The following CPNE4 variants were observed in gnomAD, a reference collection of about 807,000 sequenced individuals.
CPNE4 encodes copine 4.
A neutral mutation model predicts 67.9 loss-of-function variants in CPNE4; 25 were observed. The observed-to-expected ratio is 0.37, with a 90% CI of 0.27 to 0.51. The LOEUF is 0.51. Among genes scored for constraint, CPNE4 ranks in the 20% least tolerant of loss-of-function variants. CPNE4 has a pLI of 0.93. For synonymous variants in CPNE4, 242 were observed against 244.9 expected (o/e 0.99, Z 0.11); for missense variants, 464 against 690.8 (o/e 0.67, Z 3.68).
intron 2 of CPNE4, among the ~76,000 whole-genome samples, chr3:131,869,991 AG>A (rs1053616730): frequency 3.9e-5 from 6 of 152,192 alleles, no homozygotes; most frequent in African/African-American, 1.4e-4. Context: ...GAACATATTT[AG>A]GGTTCCTTAA....
At chr3:131,907,716 G>A (rs2088827684) in intron 1 of CPNE4, among the ~76,000 whole-genome samples, 1 of 152,116 alleles carries the variant, frequency 6.6e-6, no homozygotes, top group African/African-American at 2.4e-5. Flanking sequence ...CTGAGTAGTT[G>A]CAATAGAGAT....
chr3:131,558,952 C>G (rs935591051), intron 11 of CPNE4, among the ~76,000 whole-genome samples: 4 of 151,860 alleles, frequency 2.6e-5, no homozygotes, highest in African/African-American at 7.3e-5. Context: ...ATGGAGAGAC[C>G]TGTTCTCCAT....
chr3:131,752,595 G>C (rs1190602436), intron 2 of CPNE4, among the ~76,000 whole-genome samples: 2 of 152,094 alleles, frequency 1.3e-5, no homozygotes, highest in Non-Finnish European at 2.9e-5. Flanking sequence ...TCTTATGTTT[G>C]TTTTACATTT....
intron 7 of CPNE4, among the ~76,000 whole-genome samples, chr3:131,591,648 T>C (rs980687162): frequency 2.6e-5 from 4 of 152,184 alleles, no homozygotes; most frequent in Admixed American, 1.3e-4. Flanking sequence ...GGGGTCTCTT[T>C]CTTCAATCAG....
At chr3:131,750,277 C>G (rs919186772) in intron 2 of CPNE4, among the ~76,000 whole-genome samples, 1 of 152,122 alleles carries the variant, frequency 6.6e-6, no homozygotes, top group East Asian at 1.9e-4. Flanking sequence ...ACTTCTCAAT[C>G]TTTGTCTTTC....
chr3:132,034,835 T>C lies in CPNE4; in HGVS notation c.-270A>G, dbSNP rs920546312. On this transcript the variant is annotated 5_prime_UTR_variant, in exon 1 of 16. Transcript: ENST00000429747. ...TGGGGGTGGGGGAAGAGGGTGAAAA[T>C]GTTGGAGATGTCAGGTCGGCTCTCA... The C allele has an allele frequency of 9.1e-6, 9 of 984,262 alleles. No homozygotes were observed. Among genetic ancestry groups the C allele is most frequent in the African/African-American group, 3.5e-5 (2 of 56,760 alleles). The allele number at this position is 984,262 out of a possible 1,614,324, so 61.0% of individuals were successfully genotyped here.
chr3:131,780,711 T>C (rs565277566), intron 2 of CPNE4, among the ~76,000 whole-genome samples: 57 of 152,144 alleles, frequency 3.7e-4, no homozygotes, highest in African/African-American at 1.3e-3. Context: ...AAACTACCTA[T>C]TGGGTGTTAT....
At chr3:131,628,733 C>T (rs1377295957) in intron 7 of CPNE4, among the ~76,000 whole-genome samples, 1 of 150,164 alleles carries the variant, frequency 6.7e-6, no homozygotes, top group Non-Finnish European at 1.5e-5. Flanking sequence ...TCTGTGGGAT[C>T]AGTGGTGATA....
chr3:131,883,643 A>G (rs538267346), intron 2 of CPNE4, among the ~76,000 whole-genome samples: 5 of 152,310 alleles, frequency 3.3e-5, no homozygotes, highest in African/African-American at 9.6e-5. Context: ...CCTCTATGAG[A>G]TCATTTTCTC....
intron 2 of CPNE4, among the ~76,000 whole-genome samples, chr3:131,850,840 A>G (rs529820913): frequency 6.6e-6 from 1 of 152,106 alleles, no homozygotes; most frequent in Non-Finnish European, 1.5e-5. Flanking sequence ...CAAATCATAC[A>G]TCTAGTAAGT....
intron 6 of CPNE4, among the ~76,000 whole-genome samples, chr3:131,684,324 A>G (rs1298569130): frequency 6.6e-6 from 1 of 152,190 alleles, no homozygotes; most frequent in African/African-American, 2.4e-5. Flanking sequence ...TGGTGGTGGT[A>G]ATGAGATGCC....
intron 1 of CPNE4, among the ~76,000 whole-genome samples, chr3:131,982,107 C>G (rs1032780825): frequency 1.3e-5 from 2 of 152,170 alleles, no homozygotes; most frequent in Non-Finnish European, 1.5e-5. Flanking sequence ...ATGATCGAAC[C>G]TCTTCTTTTT....
At chr3:131,772,394 T>C (rs181144290) in intron 2 of CPNE4, among the ~76,000 whole-genome samples, 135 of 152,266 alleles carry the variant, frequency 8.9e-4, no homozygotes, top group African/African-American at 3.2e-3. Context: ...AATGTGATGA[T>C]AGAAAACCTC....
intron 2 of CPNE4, among the ~76,000 whole-genome samples, chr3:131,860,030 A>C (rs2107664714): frequency 6.6e-6 from 1 of 152,272 alleles, no homozygotes; most frequent in East Asian, 1.9e-4. Flanking sequence ...TATCCTCAAC[A>C]AATCACCTTG....
rs562625520 is a variant in CPNE4, at chr3:131,951,331, T to C, written c.-1-45887A>G. On this transcript the variant is annotated intron_variant, in intron 1 of 15. Transcript: ENST00000429747. ...CATAGGGTTCACTATTGATTTTTTA[T>C]GTCAATGTTTTATCTTGAAATCCTC... is the stretch of plus-strand genomic sequence containing the variant. 4.0e-5 allele frequency among the ~76,000 whole-genome samples: 6 copies of C among 150,688 alleles called. No homozygotes were observed. The East Asian group carries it at 9.9e-4, about 25-fold the overall frequency.
chr3:131,839,028 A>G (rs1318137920), intron 2 of CPNE4, among the ~76,000 whole-genome samples: 2 of 151,964 alleles, frequency 1.3e-5, no homozygotes, highest in African/African-American at 4.8e-5. Flanking sequence ...ATAATAATGG[A>G]GTACAGATTG....
At chr3:131,747,360 T>C (rs867205242) in intron 2 of CPNE4, among the ~76,000 whole-genome samples, 1 of 152,102 alleles carries the variant, frequency 6.6e-6, no homozygotes, top group South Asian at 2.1e-4. Flanking sequence ...CCTATACTGA[T>C]GCAATGGAGT....
chr3:131,685,876 T>A lies in CPNE4; in HGVS notation c.590A>T (p.Glu197Val). 1 of 1,608,116 alleles carries A rather than the reference T, an allele frequency of 6.2e-7. No homozygotes were observed. Among genetic ancestry groups the A allele is most frequent in the South Asian group, 1.1e-5 (1 of 90,880 alleles). Reference sequence around the variant, plus strand: ...GGCATAGCTGAAGATGACTCTTACCTCAGTTCGGTGCACCAGCTGCTGAGT... The same window carrying A: ...GGCATAGCTGAAGATGACTCTTACCACAGTTCGGTGCACCAGCTGCTGAGT... ...DATQQLVHRT[E>V]VVMNNLSPAW... Residue 197 changes from glutamate (E) to valine (V), a missense_variant and splice_region_variant, in exon 6 of 16, where the codon GAG (glutamate) becomes GTG (valine). Glu to Val is a moderately radical substitution (Grantham distance 121, BLOSUM62 -2). Coordinates refer to ENST00000429747, the MANE Select transcript of CPNE4 (RefSeq NM_130808.3).
At chr3:131,810,927 C>T (rs929184473) in intron 2 of CPNE4, among the ~76,000 whole-genome samples, 2 of 151,784 alleles carry the variant, frequency 1.3e-5, no homozygotes, top group African/African-American at 2.4e-5. Flanking sequence ...GTGAAATAAG[C>T]CAGAAATAGA....
Sources: gnomAD v4.1 joint callset for allele counts (sites outside exome capture counted in the v4.1 genomes callset) on GRCh38, gnomAD v4.1.1 for gene constraint, MANE v1.5 for transcripts, NCBI Gene and HGNC (gene_info 2026-07-23, HGNC 2026-07-21) for gene names.